The following ZEB1 variants were observed in gnomAD, a reference collection of about 807,000 sequenced individuals.
ZEB1 encodes the protein zinc finger E-box-binding homeobox 1.
A neutral mutation model predicts 84.9 loss-of-function variants in ZEB1; 21 were observed. The observed-to-expected ratio is 0.25, with a 90% CI of 0.18 to 0.36. ZEB1 has a LOEUF of 0.36. Among genes scored for constraint, ZEB1 ranks in the 10% least tolerant of loss-of-function variants. ZEB1 has a pLI of 1.00. For synonymous variants in ZEB1, 420 were observed against 471.1 expected (o/e 0.89, Z 1.41); for missense variants, 1,104 against 1,330.2 (o/e 0.83, Z 2.65).
intron 1 of ZEB1, among the ~76,000 whole-genome samples, chr10:31,362,606 G>A (rs9417871): frequency 1.9e-4 from 29 of 151,826 alleles, no homozygotes; most frequent in Non-Finnish European, 3.8e-4. Flanking sequence ...CAGACAGGGC[G>A]GGGGCCGGGC....
intron 2 of ZEB1, among the ~76,000 whole-genome samples, chr10:31,471,249 A>G (rs1418540984): frequency 8.3e-6 from 1 of 120,478 alleles, no homozygotes; most frequent in Non-Finnish European, 1.7e-5. Context: ...AAATTCTCCA[A>G]TTAAAAGACA....
chr10:31,522,689 TTGA>T (rs1052903256), intron 7 of ZEB1, among the ~76,000 whole-genome samples: 1 of 152,218 alleles, frequency 6.6e-6, no homozygotes, highest in Non-Finnish European at 1.5e-5. Flanking sequence ...GTCACTGATG[TTGA>T]TGTTTTCCCA....
intron 2 of ZEB1, 51 bp from the exon 3 acceptor site, chr10:31,495,725 G>T: frequency 5.6e-6 from 9 of 1,596,246 alleles, no homozygotes; most frequent in Non-Finnish European, 7.7e-6. Context: ...TTTGTCTTTC[G>T]TTTGTATTAG....
At position 31,514,598 on chromosome 10, in the gene ZEB1, T is replaced by C; in HGVS notation, c.688-5T>C. 1.2e-6 allele frequency: 2 copies of C among 1,611,366 alleles called. No individual in the cohort carries two copies. The highest frequency in any genetic ancestry group is 1.7e-6 in the Non-Finnish European group (2 of 1,178,034). On this transcript the variant is annotated splice_polypyrimidine_tract_variant and splice_region_variant and intron_variant, in intron 5 of 8. Coordinates refer to ENST00000424869, the MANE Select transcript of ZEB1 (RefSeq NM_001174096.2). ...TCAAATAAAATACCAGTTCTTTTCTTACAGAGACATGTGACGCAGTCTGGG... is the reference window on the plus strand; with the variant it reads ...TCAAATAAAATACCAGTTCTTTTCTCACAGAGACATGTGACGCAGTCTGGG...
intron 1 of ZEB1, among the ~76,000 whole-genome samples, chr10:31,364,887 C>T (rs1305391678): frequency 1.3e-5 from 2 of 152,196 alleles, no homozygotes; most frequent in Non-Finnish European, 2.9e-5. Context: ...AGCACATGCA[C>T]ACCTCGAAGG....
chr10:31,441,464 A>G (rs1259634057), intron 1 of ZEB1, among the ~76,000 whole-genome samples: 2 of 152,188 alleles, frequency 1.3e-5, no homozygotes, highest in African/African-American at 4.8e-5. Context: ...CTAGAAGAAA[A>G]CCTAGGCAAT....
At chr10:31,386,705 G>T (rs2048696858) in intron 1 of ZEB1, among the ~76,000 whole-genome samples, 1 of 152,102 alleles carries the variant, frequency 6.6e-6, no homozygotes, top group African/African-American at 2.4e-5. Flanking sequence ...CTACTTTTCT[G>T]TTGTTAGGAA....
intron 2 of ZEB1, among the ~76,000 whole-genome samples, chr10:31,494,591 A>G (rs533598976): frequency 2.6e-5 from 4 of 152,144 alleles, no homozygotes; most frequent in Admixed American, 2.0e-4. Flanking sequence ...TTTGACTAAC[A>G]TAGTGCAATT....
rs1007704775 is a variant in ZEB1, at chr10:31,514,509, C to T, written c.688-94C>T. ...TTAAGAAACAAAACAAAACAACCAT[C>T]AGGCTCACAAAAATGTCACTCTTAG... On this transcript the variant is annotated intron_variant, in intron 5 of 8. Coordinates refer to ENST00000424869, the MANE Select transcript of ZEB1 (RefSeq NM_001174096.2). 4.5e-6 allele frequency: 5 copies of T among 1,103,486 alleles called. No individual in the cohort carries two copies. The East Asian group carries it at 1.2e-4, about 27-fold the overall frequency. 68.4% of individuals were successfully genotyped at this position (1,103,486 alleles called of 1,614,324 possible).
intron 3 of ZEB1, among the ~76,000 whole-genome samples, chr10:31,500,798 G>T (rs1007303483): frequency 1.3e-5 from 2 of 152,148 alleles, no homozygotes; most frequent in African/African-American, 4.8e-5. Flanking sequence ...TGAGGATCCG[G>T]GAGTTGATTC....
chr10:31,515,840 A>G lies in ZEB1; in HGVS notation c.793+1132A>G, dbSNP rs998120141. ...TTCTTAGCTTCTATGCTATTGAACA[A>G]TTTTTATCAATAATAATATATTTTA... On this transcript the variant is annotated intron_variant, in intron 6 of 8. Transcript: ENST00000424869. Among the ~76,000 whole-genome samples the G allele has an allele frequency of 3.9e-5, 6 of 152,054 alleles. 1 individual carries two copies. The highest frequency in any genetic ancestry group is 3.9e-4 in the Admixed American group (6 of 15,258).
chr10:31,523,234 T>C (rs1031097331), intron 7 of ZEB1, among the ~76,000 whole-genome samples: 1 of 152,206 alleles, frequency 6.6e-6, no homozygotes, highest in African/African-American at 2.4e-5. Flanking sequence ...GCAGGGTTAT[T>C]TGGCTTACAT....
rs146429149 is a variant in ZEB1, at chr10:31,477,407, A to C, written c.259+16170A>C. ...ATATCTCGTGCTCATGGATTGGAAG[A>C]CTCAATATTGTTAAAAATGACCACA... On this transcript the variant is annotated intron_variant, in intron 2 of 8. Transcript: ENST00000424869. Among the ~76,000 whole-genome samples the C allele has an allele frequency of 2.0e-3, 306 of 152,140 alleles. 1 individual carries two copies. The highest frequency in any genetic ancestry group is 7.1e-3 in the African/African-American group (294 of 41,530).
At chr10:31,475,493 C>T (rs1300858727) in intron 2 of ZEB1, among the ~76,000 whole-genome samples, 1 of 152,132 alleles carries the variant, frequency 6.6e-6, no homozygotes, top group Non-Finnish European at 1.5e-5. Flanking sequence ...GGCATATAGT[C>T]ATTAGGCTAT....
Position 31,524,089 on chromosome 10 carries a change from T to C in ZEB1, c.2761T>C (p.Leu921=), listed in dbSNP as rs1315690754. ...DKIFQKSSSL[L]RHKYEHTGKR... is the part of the protein sequence containing the mutation. ...GATATTCCAAAAGAGTAGTTCATTA[T>C]TGAGACATAAATATGAACACACAGG... is the stretch of plus-strand genomic sequence containing the variant. Residue 921 remains leucine (L), a synonymous_variant, in exon 8 of 9, where the codon TTG becomes CTG. Transcript: ENST00000424869. 3.1e-6 allele frequency: 5 copies of C among 1,613,896 alleles called. No individual in the cohort carries two copies. The East Asian group carries it at 6.7e-5, about 22-fold the overall frequency.
intron 1 of ZEB1, among the ~76,000 whole-genome samples, chr10:31,412,030 A>AT (rs1187762419): frequency 6.6e-6 from 1 of 152,112 alleles, no homozygotes; most frequent in African/African-American, 2.4e-5. Flanking sequence ...AGACTAAAAC[A>AT]TTTTTTCAGG....
At chr10:31,348,068 A>T (rs1261153233) in intron 1 of ZEB1, among the ~76,000 whole-genome samples, 1 of 152,118 alleles carries the variant, frequency 6.6e-6, no homozygotes, top group Non-Finnish European at 1.5e-5. Flanking sequence ...CCTCACCATA[A>T]CTCAGGTGAA....
At chr10:31,470,497 A>G (rs1367043082) in intron 2 of ZEB1, among the ~76,000 whole-genome samples, 1 of 150,794 alleles carries the variant, frequency 6.6e-6, no homozygotes, top group Non-Finnish European at 1.5e-5. Flanking sequence ...ATGAAGCGAG[A>G]AGGAAAGTTT....
chr10:31,526,879 A>T lies in ZEB1; in HGVS notation c.2993A>T (p.Glu998Val). Residue 998 changes from glutamate to valine, a missense_variant, in exon 9 of 9, where the codon GAG becomes GTG. Physicochemically the swap from Glu to Val is moderately radical, Grantham distance 121. Coordinates refer to ENST00000424869, the MANE Select transcript of ZEB1 (RefSeq NM_001174096.2). Reference protein sequence around the residue: ...KREAEERDSTEQEEAGPEILS... With the variant: ...KREAEERDSTVQEEAGPEILS... ...GAAGCGGAAGAACGTGACAGCACAGAGCAGGAAGAGGCAGGGCCTGAAATC... is the reference window on the plus strand; with the variant it reads ...GAAGCGGAAGAACGTGACAGCACAGTGCAGGAAGAGGCAGGGCCTGAAATC... 6.2e-7 allele frequency: 1 copy of T among 1,614,198 alleles called. No individual in the cohort carries two copies. The highest frequency in any genetic ancestry group is 8.5e-7 in the Non-Finnish European group (1 of 1,180,042).
Sources: allele counts gnomAD v4.1 joint callset (sites outside exome capture counted in the v4.1 genomes callset), GRCh38; gene constraint gnomAD v4.1.1; transcripts MANE v1.5; gene names NCBI Gene and HGNC (gene_info 2026-07-23, HGNC 2026-07-21).